Variants in KDM4B observed in about 807,000 individuals in gnomAD.
KDM4B encodes the protein lysine-specific demethylase 4B.
In KDM4B, 32 loss-of-function variants were observed where a neutral mutation model predicts 125.2. The observed-to-expected ratio is 0.26, with a 90% CI of 0.19 to 0.34. The LOEUF is 0.34. KDM4B is among the 10% of genes least tolerant of loss of function. KDM4B has a pLI of 1.00. For synonymous variants in KDM4B, 721 were observed against 677.9 expected (o/e 1.06, Z -0.99); for missense variants, 1,190 against 1,577.7 (o/e 0.75, Z 4.16).
intron 6 of KDM4B, among the ~76,000 whole-genome samples, chr19:5,061,184 C>CT (rs1220956475): frequency 1.3e-5 from 2 of 152,224 alleles, no homozygotes; most frequent in East Asian, 3.9e-4. Context: ...GCCGAGAGCT[C>CT]TGTCTCCTCC....
At chr19:5,043,645 C>T (rs2036912986) in intron 5 of KDM4B, among the ~76,000 whole-genome samples, 4 of 148,462 alleles carry the variant, frequency 2.7e-5, no homozygotes, top group Non-Finnish European at 5.9e-5. Flanking sequence ...CCACCATATC[C>T]TGCGTGGTGT....
intron 9 of KDM4B, among the ~76,000 whole-genome samples, chr19:5,088,973 G>A (rs532621207): frequency 2.0e-4 from 30 of 152,284 alleles, no homozygotes; most frequent in African/African-American, 6.0e-4. Context: ...TACACCGTGC[G>A]AGACCCCATT....
intron 1 of KDM4B, among the ~76,000 whole-genome samples, chr19:4,969,836 G>A (rs984898983): frequency 6.9e-6 from 1 of 145,880 alleles, no homozygotes; most frequent in Non-Finnish European, 1.5e-5. Context: ...TTCCAAACTT[G>A]CCCCCCTGTA....
At chr19:5,085,782 G>A (rs886554944) in intron 9 of KDM4B, among the ~76,000 whole-genome samples, 1 of 152,208 alleles carries the variant, frequency 6.6e-6, no homozygotes, top group African/African-American at 2.4e-5. Flanking sequence ...CTCTGTGGCC[G>A]TCGGGGGGGT....
chr19:5,092,602 C>G (rs535271023), intron 9 of KDM4B, among the ~76,000 whole-genome samples: 1 of 152,214 alleles, frequency 6.6e-6, no homozygotes, highest in African/African-American at 2.4e-5. Context: ...CTCTACCATC[C>G]TTCATGGACA....
intron 1 of KDM4B, among the ~76,000 whole-genome samples, chr19:4,994,759 G>A (rs1012382821): frequency 1.3e-5 from 2 of 151,796 alleles, no homozygotes; most frequent in Admixed American, 6.6e-5. Context: ...TTTCTATTTT[G>A]TTCCTTTATT....
At chr19:4,977,147 C>T (rs1182760380) in intron 1 of KDM4B, among the ~76,000 whole-genome samples, 4 of 152,090 alleles carry the variant, frequency 2.6e-5, no homozygotes, top group African/African-American at 4.8e-5. Flanking sequence ...TCAGCAAACA[C>T]GAGGGGATGG....
chr19:5,127,146 C>T (rs1270879096), intron 11 of KDM4B, among the ~76,000 whole-genome samples: 2 of 152,180 alleles, frequency 1.3e-5, no homozygotes, highest in Admixed American at 6.5e-5. Flanking sequence ...TGGCTGCCCT[C>T]GGGGGCCTGG....
At chr19:5,001,425 C>T (rs1051282088) in intron 1 of KDM4B, among the ~76,000 whole-genome samples, 2 of 152,180 alleles carry the variant, frequency 1.3e-5, no homozygotes, top group Non-Finnish European at 2.9e-5. Flanking sequence ...TCCTGGCTCC[C>T]CTGCACAGCT....
At chr19:5,079,936 A>C (rs2038235501) in intron 8 of KDM4B, among the ~76,000 whole-genome samples, 1 of 152,074 alleles carries the variant, frequency 6.6e-6, no homozygotes, top group African/African-American at 2.4e-5. Flanking sequence ...CGGAGCTCCC[A>C]GCGTAGTGGG....
chr19:4,970,261 T>G (rs2034207932), intron 1 of KDM4B, among the ~76,000 whole-genome samples: 1 of 152,200 alleles, frequency 6.6e-6, no homozygotes, highest in Admixed American at 6.5e-5. Context: ...TCCCATCTGT[T>G]TGCTTGGGGG....
intron 21 of KDM4B, among the ~76,000 whole-genome samples, chr19:5,147,415 C>T (rs1043214620): frequency 7.9e-5 from 12 of 152,138 alleles, no homozygotes; most frequent in South Asian, 2.1e-4. Flanking sequence ...CAGGGGAGCT[C>T]ACCTCAAGGA....
At chr19:4,983,487 C>T (rs1221345556) in intron 1 of KDM4B, among the ~76,000 whole-genome samples, 1 of 152,226 alleles carries the variant, frequency 6.6e-6, no homozygotes, top group Admixed American at 6.5e-5. Context: ...CCTATCTTCC[C>T]AGTGGGCTCT....
At chr19:5,110,192 C>T (rs1650262645) in intron 9 of KDM4B, among the ~76,000 whole-genome samples, 1 of 152,210 alleles carries the variant, frequency 6.6e-6, no homozygotes, top group African/African-American at 2.4e-5. Context: ...AGAAACAGAG[C>T]AGGAGTGCTG....
intron 10 of KDM4B, chr19:5,112,106 A>C: frequency 5.0e-6 from 2 of 402,584 alleles, no homozygotes; most frequent in South Asian, 5.4e-5. Flanking sequence ...TTTAAAAATC[A>C]GCTGGGTGTG....
At chr19:5,131,648 C>CAGGGGGGGGGGGGGGGGGGGGGGGGGGA in intron 12 of KDM4B, 103 bp downstream of exon 12, 1 of 342,032 alleles carries the variant, frequency 2.9e-6, no homozygotes, top group South Asian at 4.6e-5. Flanking sequence ...GGGGAGGGGG[C>CAGGGGGGGGGGGGGGGGGGGGGGGGGGA]AGGGAGGAGG....
At chr19:5,004,867 A>G (rs1415090528) in intron 1 of KDM4B, among the ~76,000 whole-genome samples, 1 of 152,130 alleles carries the variant, frequency 6.6e-6, no homozygotes, top group Non-Finnish European at 1.5e-5. Flanking sequence ...CCCCAGAGAC[A>G]TGCAAATATG....
At chr19:5,086,358 A>G (rs1338679706) in intron 9 of KDM4B, among the ~76,000 whole-genome samples, 1 of 152,124 alleles carries the variant, frequency 6.6e-6, no homozygotes, top group Non-Finnish European at 1.5e-5. Flanking sequence ...TGCCGTCTGC[A>G]AACTGAGCAG....
intron 6 of KDM4B, among the ~76,000 whole-genome samples, chr19:5,060,851 A>G (rs907282895): frequency 3.3e-5 from 5 of 152,248 alleles, no homozygotes; most frequent in African/African-American, 9.6e-5. Context: ...AGGGAAAAAC[A>G]TGGCAAACAA....
Sources: gnomAD v4.1 joint callset for allele counts (sites outside exome capture counted in the v4.1 genomes callset) on GRCh38, gnomAD v4.1.1 for gene constraint, MANE v1.5 for transcripts, NCBI Gene and HGNC (gene_info 2026-07-23, HGNC 2026-07-21) for gene names.